ASNS: variants seen among roughly 807,000 people sequenced by gnomAD.
The protein encoded by ASNS is asparagine synthetase [glutamine-hydrolyzing].
A neutral mutation model predicts 62.6 loss-of-function variants in ASNS; 37 were observed. That is an observed-to-expected ratio of 0.59 (90% CI 0.45 to 0.78). The LOEUF (loss-of-function observed/expected upper bound fraction) is 0.78. Ranked by LOEUF, ASNS falls within the 30% of genes least tolerant of loss-of-function variation. The pLI is 0.00. For missense variants in ASNS, 520 were observed against 682.4 expected (o/e 0.76, Z 2.65); for synonymous variants, 207 against 237.9 (o/e 0.87, Z 1.19).
chr7:97,891,106 T>C, the ASNS span, among the ~76,000 whole-genome samples: 105 of 137,884 alleles, frequency 7.6e-4, no homozygotes, highest in East Asian at 4.7e-3. Flanking sequence ...TTAATGGACT[T>C]ACACTTCCAC....
chr7:97,866,399 C>T (rs1791972578), intron 3 of ASNS, among the ~76,000 whole-genome samples: 1 of 152,182 alleles, frequency 6.6e-6, no homozygotes, highest in African/African-American at 2.4e-5. Flanking sequence ...GACGGTGGCG[C>T]TTTATTAGTC....
chr7:97,920,004 G>C, the ASNS span, among the ~76,000 whole-genome samples: 1 of 149,850 alleles, frequency 6.7e-6, no homozygotes, highest in Non-Finnish European at 1.5e-5. Flanking sequence ...TCCTCCTCTT[G>C]TCCTGACTTT....
At chr7:97,853,509 C>T (rs1791287470) in intron 10 of ASNS, 123 bp from the exon 11 acceptor site, 1 of 752,350 alleles carries the variant, frequency 1.3e-6, no homozygotes, top group African/African-American at 1.8e-5. Context: ...CATACAGTCA[C>T]ATACAAGCCT....
chr7:97,919,761 T>A, the ASNS span, among the ~76,000 whole-genome samples: 1 of 152,144 alleles, frequency 6.6e-6, no homozygotes, highest in Non-Finnish European at 1.5e-5. Flanking sequence ...GGGCACCCCA[T>A]GCTTCCAGAA....
chr7:97,853,769 T>C (rs1348045593), intron 10 of ASNS, among the ~76,000 whole-genome samples: 2 of 152,214 alleles, frequency 1.3e-5, no homozygotes, highest in Non-Finnish European at 2.9e-5. Context: ...CTTCTAACAA[T>C]TGTGATGACG....
At position 97,869,158 on chromosome 7, in the gene ASNS, G is replaced by A. The variant is rs533879154; in HGVS notation, c.-2C>T. 6.2e-7 allele frequency: 1 copy of A among 1,613,520 alleles called. No homozygotes were observed. Among genetic ancestry groups the A allele is most frequent in the South Asian group, 1.1e-5 (1 of 91,062 alleles). ...AAACAGCGCCCAAATGCCACACATG[G>A]TGCAATGAAGCTATAAGCTTTCTAT... On this transcript the variant is annotated 5_prime_UTR_variant, in exon 3 of 13. Transcript: ENST00000394308.
chr7:97,858,214 AT>A, intron 7 of ASNS, 63 bp downstream of exon 7: 1 of 1,578,980 alleles, frequency 6.3e-7, no homozygotes, highest in Non-Finnish European at 8.6e-7. Flanking sequence ...TATTGACTCC[AT>A]TTTCATTCTA....
chr7:97,927,761 A>T, the ASNS span, among the ~76,000 whole-genome samples: 15 of 151,264 alleles, frequency 9.9e-5, no homozygotes, highest in African/African-American at 3.7e-4. Flanking sequence ...TTCTCCCGGG[A>T]TCTCAGAGAA....
the ASNS span, among the ~76,000 whole-genome samples, chr7:97,914,030 G>T: frequency 6.7e-6 from 1 of 148,672 alleles, no homozygotes; most frequent in African/African-American, 2.5e-5. Flanking sequence ...GTGAGTGGAT[G>T]GATAGATGGG....
chr7:97,869,140 G>T lies in ASNS; in HGVS notation c.17C>A (p.Ala6Glu), dbSNP rs398122975. Residue 6 changes from alanine to glutamate, a missense_variant, in exon 3 of 13, where the codon GCG becomes GAG. Coordinates refer to ENST00000394308, the MANE Select transcript of ASNS (RefSeq NM_001673.5). ...AAGGCAATCATCACTGCCAAACAGCGCCCAAATGCCACACATGGTGCAATG... is the reference window on the plus strand; with the variant it reads ...AAGGCAATCATCACTGCCAAACAGCTCCCAAATGCCACACATGGTGCAATG... MCGIW[A>E]LFGSDDCLSV... 5.6e-6 allele frequency: 9 copies of T among 1,613,910 alleles called. No individual in the cohort carries two copies. Among genetic ancestry groups the T allele is most frequent in the Non-Finnish European group, 7.6e-6 (9 of 1,179,942 alleles).
At chr7:97,867,396 T>C (rs981693823) in intron 3 of ASNS, among the ~76,000 whole-genome samples, 4 of 152,212 alleles carry the variant, frequency 2.6e-5, no homozygotes, top group African/African-American at 7.2e-5. Flanking sequence ...CTACATAAAC[T>C]TAGATGCTTG....
At chr7:97,896,047 T>C in the ASNS span, among the ~76,000 whole-genome samples, 1 of 149,484 alleles carries the variant, frequency 6.7e-6, no homozygotes, top group African/African-American at 2.5e-5. Flanking sequence ...ATAAAATAAA[T>C]TGAGAAGGAC....
At chr7:97,896,735 C>T in the ASNS span, among the ~76,000 whole-genome samples, 210 of 24,812 alleles carry the variant, frequency 8.5e-3, no homozygotes, top group African/African-American at 0.018. Context: ...CACACACACA[C>T]ACACACATAT....
At chr7:97,854,228 T>G (rs1190173299) in intron 10 of ASNS, among the ~76,000 whole-genome samples, 1 of 152,186 alleles carries the variant, frequency 6.6e-6, no homozygotes, top group African/African-American at 2.4e-5. Flanking sequence ...TTAAAACACT[T>G]AACGGTAGCT....
At chr7:97,916,481 T>G in the ASNS span, among the ~76,000 whole-genome samples, 3 of 152,306 alleles carry the variant, frequency 2.0e-5, no homozygotes, top group African/African-American at 7.2e-5. Flanking sequence ...GTCTTTCAGA[T>G]GAAAATTAAG....
Position 97,864,467 on chromosome 7 carries a change from C to T in ASNS, c.279G>A (p.Gln93=). The T allele has an allele frequency of 6.2e-7, 1 of 1,613,838 alleles. No individual in the cohort carries two copies. Among genetic ancestry groups the T allele is most frequent in the Non-Finnish European group, 8.5e-7 (1 of 1,179,822 alleles). ...KMQQHFEFEY[Q]TKVDGEIILH... is the part of the protein sequence containing the mutation. ...GGATTATCTCACCATCCACTTTGGT[C>T]TGGTATTCAAATTCAAAATGCTGTT... The change falls in exon 4 of 13, where the codon CAG becomes CAA. Residue 93 remains glutamine (Q), a synonymous_variant. Coordinates refer to ENST00000394308, the MANE Select transcript of ASNS (RefSeq NM_001673.5).
the ASNS span, among the ~76,000 whole-genome samples, chr7:97,912,635 T>G: frequency 2.5e-4 from 33 of 131,894 alleles, no homozygotes; most frequent in Admixed American, 4.5e-4. Context: ...CAGGCTGGAG[T>G]GCGGTGGTGC....
chr7:97,895,781 A>T, the ASNS span, among the ~76,000 whole-genome samples: 3 of 152,234 alleles, frequency 2.0e-5, no homozygotes, highest in Admixed American at 6.5e-5. Context: ...ACAGAGTGAG[A>T]CTCTCTCAAA....
the ASNS span, among the ~76,000 whole-genome samples, chr7:97,878,039 T>C: frequency 1.3e-5 from 2 of 152,106 alleles, no homozygotes; most frequent in East Asian, 3.9e-4. Flanking sequence ...GCCCACAGGT[T>C]GTGAGCGCCA....
Sources: gnomAD v4.1 joint callset for allele counts (sites outside exome capture counted in the v4.1 genomes callset) on GRCh38, gnomAD v4.1.1 for gene constraint, MANE v1.5 for transcripts, NCBI Gene and HGNC (gene_info 2026-07-23, HGNC 2026-07-21) for gene names.